Variants in MTMR8 observed in about 807,000 individuals in gnomAD.
MTMR8 encodes myotubularin related protein 8, also known as phosphatidylinositol-3,5-bisphosphate 3-phosphatase MTMR8.
Under a neutral mutation model 39.3 loss-of-function variants are expected in MTMR8, and 65 were observed. That is an observed-to-expected ratio of 1.65 (90% CI 1.35 to 2.03). The LOEUF (loss-of-function observed/expected upper bound fraction) is 2.03, where lower values mean the gene tolerates loss of function less well. Ranked by LOEUF, MTMR8 falls within the 30% of genes most tolerant of loss-of-function variation. The probability of loss-of-function intolerance (pLI) is 0.00; values close to 1 mark genes in which losing one functional copy is unlikely to be tolerated. For synonymous variants in MTMR8, 245 were observed against 185.2 expected, an observed-to-expected ratio of 1.32 and a Z score of -2.62; for missense variants, 777 against 538.9, an observed-to-expected ratio of 1.44 and a Z score of -4.37.
chrX:64,390,186 A>T (rs1924658546), intron 1 of MTMR8, among the ~76,000 whole-genome samples: 1 of 112,250 alleles, frequency 8.9e-6, no homozygotes, highest in Admixed American at 9.5e-5. Flanking sequence ...GCTAAGTACA[A>T]GGGCTAATGT....
At chrX:64,359,922 GAAA>G (rs202232811) in intron 1 of MTMR8, among the ~76,000 whole-genome samples, 1 of 43,070 alleles carries the variant, frequency 2.3e-5, no homozygotes, top group African/African-American at 5.6e-5. Flanking sequence ...GGCAAGAATA[GAAA>G]AAAAAAAAAA....
In MTMR8 at chrX:64,331,677, T is replaced by C; in HGVS notation, c.1232A>G (p.Glu411Gly). 1 of 1,210,192 alleles carries C rather than the reference T, an allele frequency of 8.3e-7. No homozygotes were observed. Among genetic ancestry groups the C allele is most frequent in the Non-Finnish European group, 1.1e-6 (1 of 894,382 alleles). ...AAACTCAAAGGCACAGGGAAACTGTTCCATTAATTGCCAGATACAGTCTAG... is the reference window on the plus strand; with the variant it reads ...AAACTCAAAGGCACAGGGAAACTGTCCCATTAATTGCCAGATACAGTCTAG... ...QFLDCIWQLM[E>G]QFPCAFEFNE... The change falls in exon 11 of 14, where the codon GAA (glutamate) becomes GGA (glycine). Residue 411 changes from glutamate (E) to glycine (G), a missense_variant. By Grantham distance (98) the Glu-to-Gly change is moderately conservative. Coordinates refer to ENST00000374852, the MANE Select transcript of MTMR8 (RefSeq NM_017677.4).
At position 64,337,263 on chromosome X, in the gene MTMR8, C is replaced by A; in HGVS notation, c.1101+5G>T. 2 of 1,208,087 alleles carry A rather than the reference C, an allele frequency of 1.7e-6. No individual in the cohort carries two copies. Among genetic ancestry groups the A allele is most frequent in the Non-Finnish European group, 2.2e-6 (2 of 893,833 alleles). ...AAAGTAAAATATAGTAGCGTGCTCT[C>A]TTACCATGAGTCCTTTGAATGTCCT... On this transcript the variant is annotated splice_donor_5th_base_variant and intron_variant, in intron 9 of 13. Coordinates refer to ENST00000374852, the MANE Select transcript of MTMR8 (RefSeq NM_017677.4).
chrX:64,297,245 G>C (rs1453267348), intron 12 of MTMR8, among the ~76,000 whole-genome samples: 1 of 102,644 alleles, frequency 9.7e-6, no homozygotes, highest in East Asian at 3.1e-4. Flanking sequence ...AGCACCTGTT[G>C]TTTCCTGACT....
chrX:64,339,560 G>C (rs1374804601), intron 8 of MTMR8, among the ~76,000 whole-genome samples: 2 of 111,670 alleles, frequency 1.8e-5, no homozygotes, highest in Non-Finnish European at 3.8e-5. Context: ...CGCCAACCAA[G>C]AGGAAAGAGG....
intron 12 of MTMR8, among the ~76,000 whole-genome samples, chrX:64,271,859 AG>A (rs1931769344): frequency 8.9e-6 from 1 of 112,330 alleles, no homozygotes; most frequent in African/African-American, 3.2e-5. Flanking sequence ...AACACAGGGT[AG>A]GGGGAAAATC....
intron 1 of MTMR8, among the ~76,000 whole-genome samples, chrX:64,380,288 T>A (rs185767004): frequency 7.0e-4 from 79 of 112,776 alleles, no homozygotes; most frequent in African/African-American, 2.5e-3. Context: ...TTCCATTAAA[T>A]AATTATGTTA....
intron 1 of MTMR8, among the ~76,000 whole-genome samples, chrX:64,361,830 G>A (rs1251288903): frequency 9.0e-6 from 1 of 110,726 alleles, no homozygotes; most frequent in East Asian, 2.8e-4. Context: ...AATACTATGA[G>A]GAAAGGGGGC....
intron 3 of MTMR8, 66 bp downstream of exon 3, chrX:64,356,110 T>C (rs1421106205): frequency 9.3e-7 from 1 of 1,076,199 alleles, no homozygotes; most frequent in African/African-American, 1.9e-5. Flanking sequence ...ATAGCCCTGA[T>C]CTTTCCATTA....
At chrX:64,299,114 C>A (rs1468632610) in intron 12 of MTMR8, among the ~76,000 whole-genome samples, 14 of 75,698 alleles carry the variant, frequency 1.8e-4, no homozygotes, top group African/African-American at 8.2e-4. Flanking sequence ...AGGGAGGATT[C>A]CCTCTTTTTC....
chrX:64,306,994 G>A (rs1458147392), intron 12 of MTMR8, among the ~76,000 whole-genome samples: 1 of 112,241 alleles, frequency 8.9e-6, no homozygotes, highest in Non-Finnish European at 1.9e-5. Flanking sequence ...GTGGCGGAAT[G>A]TAATGCATGC....
At chrX:64,382,905 A>C (rs936222453) in intron 1 of MTMR8, among the ~76,000 whole-genome samples, 1 of 111,560 alleles carries the variant, frequency 9.0e-6, no homozygotes, top group East Asian at 2.8e-4. Context: ...AAATGATCTC[A>C]AGAGTGAAAA....
chrX:64,348,717 G>A lies in MTMR8; in HGVS notation c.675C>T (p.Ala225=), dbSNP rs1207893490. Residue 225 remains alanine (A), a synonymous_variant, in exon 6 of 14, where the codon GCC becomes GCT. Coordinates refer to ENST00000374852, the MANE Select transcript of MTMR8 (RefSeq NM_017677.4). ...GGCTCCCTGGGTTTGTTTGGCTAAT[G>A]GCCTCCAACAAGAGCTCATCATCTA... ...RCVDDELLLE[A]ISQTNPGSQF... 2.5e-6 allele frequency: 3 copies of A among 1,208,666 alleles called. No individual in the cohort carries two copies. Among genetic ancestry groups the A allele is most frequent in the Non-Finnish European group, 3.4e-6 (3 of 894,384 alleles).
At chrX:64,290,418 G>A (rs746023008) in intron 12 of MTMR8, among the ~76,000 whole-genome samples, 3 of 110,029 alleles carry the variant, frequency 2.7e-5, no homozygotes, top group Admixed American at 9.8e-5. Context: ...CTGACCAGAT[G>A]CACATTAAAC....
At chrX:64,331,346 G>C in intron 11 of MTMR8, 2 of 415,867 alleles carry the variant, frequency 4.8e-6, no homozygotes, top group Non-Finnish European at 8.5e-6. Context: ...TAAAAAGTAG[G>C]CATTATTATC....
At chrX:64,279,882 G>C (rs1218768764) in intron 12 of MTMR8, among the ~76,000 whole-genome samples, 1 of 112,092 alleles carries the variant, frequency 8.9e-6, no homozygotes, top group African/African-American at 3.2e-5. Flanking sequence ...ATTCAATGCA[G>C]AAAGGACAGT....
intron 12 of MTMR8, among the ~76,000 whole-genome samples, chrX:64,313,817 C>A (rs900691753): frequency 8.9e-6 from 1 of 112,399 alleles, no homozygotes; most frequent in Non-Finnish European, 1.9e-5. Context: ...TGGTTAAGAA[C>A]CCTTGTTGAA....
At chrX:64,322,480 A>G (rs1922678386) in intron 12 of MTMR8, among the ~76,000 whole-genome samples, 1 of 111,665 alleles carries the variant, frequency 9.0e-6, no homozygotes, top group Non-Finnish European at 1.9e-5. Flanking sequence ...AAGAATTGGT[A>G]TTTGTTCTTT....
intron 8 of MTMR8, among the ~76,000 whole-genome samples, chrX:64,337,787 GT>G (rs1211935346): frequency 8.9e-6 from 1 of 111,736 alleles, no homozygotes; most frequent in Non-Finnish European, 1.9e-5. Context: ...TCCTCTAGCT[GT>G]TTTAGTGTTA....
Sources: allele counts gnomAD v4.1 joint callset (sites outside exome capture counted in the v4.1 genomes callset), GRCh38; gene constraint gnomAD v4.1.1; transcripts MANE v1.5; gene names NCBI Gene and HGNC (gene_info 2026-07-23, HGNC 2026-07-21).